SCN8A: variants seen among roughly 807,000 people sequenced by gnomAD.
SCN8A encodes sodium channel protein type 8 subunit alpha.
In SCN8A, 30 loss-of-function variants were observed where a neutral mutation model predicts 184.1. That is an observed-to-expected ratio of 0.16 (90% CI 0.12 to 0.22). The LOEUF (loss-of-function observed/expected upper bound fraction) is 0.22, where lower values mean the gene tolerates loss of function less well. SCN8A is among the 10% of genes least tolerant of loss of function. The pLI, the probability that SCN8A is intolerant of heterozygous loss-of-function variation, is 1.00. For missense variants in SCN8A, 1,057 were observed against 2,498.9 expected (o/e 0.42, Z 12.30); for synonymous variants, 852 against 907.0 (o/e 0.94, Z 1.09).
At chr12:51,627,406 G>A (rs770045403) in intron 1 of SCN8A, among the ~76,000 whole-genome samples, 7 of 152,166 alleles carry the variant, frequency 4.6e-5, no homozygotes, top group South Asian at 2.1e-4. Context: ...TCTTTGAGAC[G>A]CAGTCTTGCT....
intron 3 of SCN8A, among the ~76,000 whole-genome samples, chr12:51,685,885 C>G (rs561168578): frequency 1.3e-5 from 2 of 152,132 alleles, no homozygotes; most frequent in South Asian, 4.2e-4. Flanking sequence ...AAAAGAACAA[C>G]AACTATGGAA....
At chr12:51,592,211 T>C (rs1025578234) in intron 1 of SCN8A, among the ~76,000 whole-genome samples, 1 of 151,688 alleles carries the variant, frequency 6.6e-6, no homozygotes, top group African/African-American at 2.4e-5. Flanking sequence ...TCCTCTCTAG[T>C]TCTCACTTGG....
At chr12:51,760,484 G>A (rs1289656834) in intron 14 of SCN8A, among the ~76,000 whole-genome samples, 5 of 152,142 alleles carry the variant, frequency 3.3e-5, no homozygotes, top group African/African-American at 1.2e-4. Context: ...CCACAGTATA[G>A]ATATTCCATG....
intron 25 of SCN8A, among the ~76,000 whole-genome samples, chr12:51,793,525 A>G (rs371910447): frequency 6.6e-6 from 1 of 152,192 alleles, no homozygotes; most frequent in Non-Finnish European, 1.5e-5. Flanking sequence ...GTACATAGGT[A>G]TCACGTAAGC....
intron 1 of SCN8A, among the ~76,000 whole-genome samples, chr12:51,644,659 C>T (rs891874565): frequency 2.6e-5 from 4 of 152,116 alleles, no homozygotes; most frequent in Admixed American, 6.5e-5. Flanking sequence ...GCCGCCACCC[C>T]GTCTGGGAAG....
At chr12:51,624,459 G>T (rs562667056) in intron 1 of SCN8A, among the ~76,000 whole-genome samples, 1 of 151,982 alleles carries the variant, frequency 6.6e-6, no homozygotes, top group East Asian at 1.9e-4. Flanking sequence ...TGATGGGGTT[G>T]TTTGTTTTTT....
chr12:51,769,221 C>A lies in SCN8A; in HGVS notation c.3258C>A (p.Phe1086Leu), dbSNP rs1195563229. 1 of 1,613,894 alleles carries A rather than the reference C, an allele frequency of 6.2e-7. No individual in the cohort carries two copies. The highest frequency in any genetic ancestry group is 1.7e-5 in the Admixed American group (1 of 60,002). Residue 1086 changes from phenylalanine to leucine, a missense_variant, in exon 17 of 27, where the codon TTC becomes TTA. Phe to Leu is a conservative substitution (Grantham distance 22). This residue lies in a region of SCN8A where 178 missense variants were observed against 259.6 expected (regional missense o/e 0.69). Coordinates refer to ENST00000627620, the MANE Select transcript of SCN8A (RefSeq NM_001330260.2). ...KYIIDEDHMSFINNPNLTVRV... is the reference protein window; with the variant it reads ...KYIIDEDHMSLINNPNLTVRV... ...TCATTGATGAGGACCACATGTCCTTCATCAACAACCCCAACTTGACTGTAC... is the reference window on the plus strand; with the variant it reads ...TCATTGATGAGGACCACATGTCCTTAATCAACAACCCCAACTTGACTGTAC...
intron 1 of SCN8A, among the ~76,000 whole-genome samples, chr12:51,645,335 G>A (rs1312613290): frequency 2.7e-5 from 4 of 150,746 alleles, no homozygotes; most frequent in Admixed American, 1.3e-4. Context: ...GGAGGTGGGG[G>A]GGTTCAGCCC....
At chr12:51,621,053 G>C (rs1194911896) in intron 1 of SCN8A, among the ~76,000 whole-genome samples, 1 of 152,048 alleles carries the variant, frequency 6.6e-6, no homozygotes, top group Non-Finnish European at 1.5e-5. Context: ...GAAATATGAT[G>C]GTTCTTATAA....
At chr12:51,636,803 G>C (rs967011406) in intron 1 of SCN8A, among the ~76,000 whole-genome samples, 1 of 152,210 alleles carries the variant, frequency 6.6e-6, no homozygotes, top group Admixed American at 6.5e-5. Context: ...TGATTAATAA[G>C]CATACTTTTT....
At chr12:51,603,618 T>C (rs1404339945) in intron 1 of SCN8A, among the ~76,000 whole-genome samples, 1 of 152,234 alleles carries the variant, frequency 6.6e-6, no homozygotes, top group Non-Finnish European at 1.5e-5. Context: ...ACAACTGTTT[T>C]TCAGAATGGT....
chr12:51,781,443 A>C (rs760945609), intron 21 of SCN8A, among the ~76,000 whole-genome samples: 37 of 152,158 alleles, frequency 2.4e-4, no homozygotes, highest in Non-Finnish European at 4.9e-4. Flanking sequence ...TAACACTGTC[A>C]AAATGACAAC....
chr12:51,807,280 C>T lies in SCN8A; in HGVS notation c.5794C>T (p.Arg1932Trp), dbSNP rs773966403. ...TAAGCTGGAGAATGGAGGCACACACCGGGAGAAAAAAGAGAGCACCCCATC... is the reference window on the plus strand; with the variant it reads ...TAAGCTGGAGAATGGAGGCACACACTGGGAGAAAAAAGAGAGCACCCCATC... Reference protein sequence around the residue: ...SNKLENGGTHREKKESTPSTA... With the variant: ...SNKLENGGTHWEKKESTPSTA... The change falls in exon 27 of 27, where the codon CGG becomes TGG. Residue 1932 changes from arginine to tryptophan, a missense_variant. Around this residue, in one of 19 missense-constraint regions of SCN8A, gnomAD observed 95 missense variants for 140.2 expected, o/e 0.68. Transcript: ENST00000627620. The surrounding 1 kb of genome is among the most constrained non-coding windows in gnomAD (Gnocchi z 4.5). 13 of 1,613,774 alleles carry T rather than the reference C, an allele frequency of 8.1e-6. No homozygotes were observed. Among genetic ancestry groups the T allele is most frequent in the East Asian group, 2.2e-5 (1 of 44,856 alleles).
At position 51,812,718 on chromosome 12, in the gene SCN8A, G is replaced by A. The variant is rs1938952008; in HGVS notation, c.*5289G>A. 6.6e-6 allele frequency: 1 copy of A among 152,246 alleles called. No homozygotes were observed. Among genetic ancestry groups the A allele is most frequent in the Non-Finnish European group, 1.5e-5 (1 of 68,054 alleles). 9.4% of individuals were successfully genotyped at this position (152,246 alleles called of 1,614,324 possible). On this transcript the variant is annotated 3_prime_UTR_variant, in exon 27 of 27. Transcript: ENST00000627620. ...TCGACTTGTTCCCTGTTCTGTTTATGCGGAAATGGCAGAAATGCTTGAGAA... is the reference window on the plus strand; with the variant it reads ...TCGACTTGTTCCCTGTTCTGTTTATACGGAAATGGCAGAAATGCTTGAGAA...
At chr12:51,739,708 T>G (rs898850629) in intron 12 of SCN8A, among the ~76,000 whole-genome samples, 1 of 152,138 alleles carries the variant, frequency 6.6e-6, no homozygotes, top group Non-Finnish European at 1.5e-5. Context: ...CAAGCATCGC[T>G]TCAGCAACCC....
chr12:51,653,268 C>T (rs1005114458), intron 1 of SCN8A, among the ~76,000 whole-genome samples: 3 of 152,102 alleles, frequency 2.0e-5, no homozygotes, highest in African/African-American at 2.4e-5. Flanking sequence ...TGCAGTGAGC[C>T]GAGATCATTT....
intron 1 of SCN8A, among the ~76,000 whole-genome samples, chr12:51,595,858 A>G (rs182983620): frequency 3.9e-5 from 6 of 152,344 alleles, no homozygotes; most frequent in Admixed American, 3.9e-4. Context: ...TAGAGGATGG[A>G]ACCCGTAGGT....
chr12:51,729,054 A>G (rs752885162), intron 12 of SCN8A, among the ~76,000 whole-genome samples: 47 of 152,194 alleles, frequency 3.1e-4, no homozygotes, highest in Non-Finnish European at 5.1e-4. Context: ...AGCAAGGTCT[A>G]AATAGCGTTT....
intron 11 of SCN8A, chr12:51,712,520 T>A: frequency 2.6e-6 from 2 of 773,996 alleles, no homozygotes; most frequent in Non-Finnish European, 4.7e-6. Flanking sequence ...ACCACCACCA[T>A]AGGGACTGCC....
Sources: allele counts gnomAD v4.1 joint callset (sites outside exome capture counted in the v4.1 genomes callset), GRCh38; gene constraint gnomAD v4.1.1; regional missense constraint gnomAD v4.1.1; non-coding constraint Gnocchi (gnomAD v3.1); transcripts MANE v1.5; gene names NCBI Gene and HGNC (gene_info 2026-07-23, HGNC 2026-07-21).